GDAP1: variants seen among roughly 807,000 people sequenced by gnomAD.
GDAP1 encodes ganglioside-induced differentiation-associated protein 1.
GDAP1 carries 34 observed loss-of-function variants against 40.1 expected under a neutral mutation model. That is an observed-to-expected ratio of 0.85 (90% CI 0.64 to 1.13). The LOEUF (loss-of-function observed/expected upper bound fraction) is 1.13. Ranked by LOEUF, GDAP1 falls within the 50% of genes most tolerant of loss-of-function variation. GDAP1 has a pLI of 0.00. For synonymous variants in GDAP1, 170 were observed against 157.4 expected, an observed-to-expected ratio of 1.08 and a Z score of -0.60; for missense variants, 374 against 433.7, an observed-to-expected ratio of 0.86 and a Z score of 1.22.
chr8:74,406,415 A>G (rs1805641636), intron 2 of GDAP1, among the ~76,000 whole-genome samples: 1 of 150,330 alleles, frequency 6.7e-6, no homozygotes, highest in African/African-American at 2.5e-5. Flanking sequence ...ATAAACACAC[A>G]TGCACTTCTA....
intron 2 of GDAP1, among the ~76,000 whole-genome samples, chr8:74,477,066 G>T (rs13267621): frequency 4.0e-3 from 610 of 152,140 alleles, no homozygotes; most frequent in Middle Eastern, 0.02. Flanking sequence ...TCCTTATCTT[G>T]GTCTATCATT....
intron 2 of GDAP1, among the ~76,000 whole-genome samples, chr8:74,392,576 G>C (rs1481643204): frequency 6.6e-6 from 1 of 152,120 alleles, no homozygotes; most frequent in Admixed American, 6.5e-5. Flanking sequence ...ATATACTAGT[G>C]AGAAGTAGTA....
At chr8:74,395,426 C>G (rs779515177) in intron 2 of GDAP1, among the ~76,000 whole-genome samples, 2 of 152,134 alleles carry the variant, frequency 1.3e-5, no homozygotes, top group Non-Finnish European at 2.9e-5. Flanking sequence ...ATTTCATGTC[C>G]TTTCTCTTCT....
At chr8:74,481,262 T>A (rs925057332) in intron 2 of GDAP1, among the ~76,000 whole-genome samples, 3 of 152,212 alleles carry the variant, frequency 2.0e-5, no homozygotes, top group African/African-American at 7.2e-5. Context: ...GAAGTAATGG[T>A]TCTCAGAACA....
chr8:74,396,195 G>T (rs1393430480), intron 2 of GDAP1, among the ~76,000 whole-genome samples: 1 of 151,876 alleles, frequency 6.6e-6, no homozygotes, highest in Non-Finnish European at 1.5e-5. Context: ...AGTTGGTTTT[G>T]AAATGTCTAA....
At chr8:74,370,940 TTCA>T (rs1169046208), downstream of GDAP1, among the ~76,000 whole-genome samples, 1 of 152,228 alleles carries the variant, frequency 6.6e-6, no homozygotes, top group Non-Finnish European at 1.5e-5. Flanking sequence ...TAAATACATA[TTCA>T]TCTAAGAGCT....
chr8:74,355,214 A>C (rs1188281620), intron 2 of GDAP1, among the ~76,000 whole-genome samples: 3 of 152,102 alleles, frequency 2.0e-5, no homozygotes, highest in Non-Finnish European at 4.4e-5. Flanking sequence ...AATGGTATAG[A>C]CATGAATGAT....
At chr8:74,362,802 TTTG>T in intron 4 of GDAP1, 134 bp from the exon 5 acceptor site, 1 of 441,090 alleles carries the variant, frequency 2.3e-6, no homozygotes. Context: ...TTTTTTTTTT[TTTG>T]CTGAGTTTTT....
At chr8:74,473,755 T>C (rs1173465641) in intron 2 of GDAP1, among the ~76,000 whole-genome samples, 1 of 152,220 alleles carries the variant, frequency 6.6e-6, no homozygotes, top group Non-Finnish European at 1.5e-5. Context: ...TCCTGCTTTG[T>C]TCTTTTATTT....
At chr8:74,485,098 A>AT (rs796246636) in intron 2 of GDAP1, among the ~76,000 whole-genome samples, 7 of 152,022 alleles carry the variant, frequency 4.6e-5, no homozygotes, top group South Asian at 2.1e-4. Flanking sequence ...TTAATATGTA[A>AT]TTTTTTTTAT....
At chr8:74,441,340 TA>T (rs1261046030) in intron 2 of GDAP1, among the ~76,000 whole-genome samples, 1 of 152,150 alleles carries the variant, frequency 6.6e-6, no homozygotes, top group East Asian at 1.9e-4. Context: ...GAGTTTCATT[TA>T]AAAAGGGTGT....
intron 2 of GDAP1, among the ~76,000 whole-genome samples, chr8:74,399,544 T>G (rs1810281033): frequency 6.9e-6 from 1 of 145,908 alleles, no homozygotes; most frequent in Admixed American, 6.7e-5. Context: ...TGTGTCTCTA[T>G]TTCCTTCAGT....
intron 2 of GDAP1, among the ~76,000 whole-genome samples, chr8:74,372,948 A>G (rs909361323): frequency 1.1e-4 from 16 of 152,180 alleles, no homozygotes; most frequent in Admixed American, 1.3e-4. Flanking sequence ...TTTGTATAAG[A>G]TGTAAGGAAG....
chr8:74,437,201 A>T (rs1806103450), intron 2 of GDAP1, among the ~76,000 whole-genome samples: 1 of 152,210 alleles, frequency 6.6e-6, no homozygotes, highest in South Asian at 2.1e-4. Context: ...AAATCCTGTG[A>T]AGTCCTTTGA....
rs968025312 is a variant in GDAP1, at chr8:74,365,222, T to C, written c.*855T>C. The C allele has an allele frequency of 6.6e-6, 3 of 454,020 alleles. No homozygotes were observed. Among genetic ancestry groups the C allele is most frequent in the African/African-American group, 6.0e-5 (3 of 50,008 alleles). The allele number at this position is 454,020 out of a possible 1,614,324, so 28.1% of individuals were successfully genotyped here. On this transcript the variant is annotated 3_prime_UTR_variant, in exon 6 of 6. Coordinates refer to ENST00000220822, the MANE Select transcript of GDAP1 (RefSeq NM_018972.4). ...CTGGGAGCACCAAATATGTTCATTCTTCGTTTGGGGAGGCTGGTCTGTAAA... is the reference window on the plus strand; with the variant it reads ...CTGGGAGCACCAAATATGTTCATTCCTCGTTTGGGGAGGCTGGTCTGTAAA...
At chr8:74,456,913 T>C (rs1319481867) in intron 2 of GDAP1, among the ~76,000 whole-genome samples, 2 of 152,080 alleles carry the variant, frequency 1.3e-5, no homozygotes, top group East Asian at 3.9e-4. Flanking sequence ...GAAGGAAATT[T>C]GTGGCTTTTT....
intron 2 of GDAP1, among the ~76,000 whole-genome samples, chr8:74,467,856 G>A (rs754145196): frequency 2.2e-4 from 34 of 151,934 alleles, no homozygotes; most frequent in Admixed American, 8.5e-4. Flanking sequence ...CACACATACC[G>A]TAAAATAATT....
intron 2 of GDAP1, among the ~76,000 whole-genome samples, chr8:74,472,607 T>C (rs548303986): frequency 3.3e-5 from 5 of 152,316 alleles, no homozygotes; most frequent in African/African-American, 1.2e-4. Flanking sequence ...CTGTTTTTTT[T>C]TGACTTTTTA....
chr8:74,440,987 C>G (rs1806155361), intron 2 of GDAP1, among the ~76,000 whole-genome samples: 1 of 83,434 alleles, frequency 1.2e-5, no homozygotes, highest in Non-Finnish European at 2.3e-5. Flanking sequence ...TAAGAAGATG[C>G]TTCAAAACAC....
Sources: gnomAD v4.1 joint callset for allele counts (sites outside exome capture counted in the v4.1 genomes callset) on GRCh38, gnomAD v4.1.1 for gene constraint, MANE v1.5 for transcripts, NCBI Gene and HGNC (gene_info 2026-07-23, HGNC 2026-07-21) for gene names.